Variants in PLOD2 observed in about 807,000 individuals in gnomAD.
PLOD2 encodes the protein lysine hydroxylase 2.
In PLOD2, 65 loss-of-function variants were observed where a neutral mutation model predicts 101.0. The ratio of observed to expected loss-of-function variants is 0.64; its 90% CI spans 0.53 to 0.79. The LOEUF (loss-of-function observed/expected upper bound fraction) is 0.79. Among genes scored for constraint, PLOD2 ranks in the 30% least tolerant of loss-of-function variants. The probability of loss-of-function intolerance (pLI) is 0.00; values close to 1 mark genes in which losing one functional copy is unlikely to be tolerated. For missense variants in PLOD2, 909 were observed against 914.6 expected (o/e 0.99, Z 0.08); for synonymous variants, 314 against 302.9 (o/e 1.04, Z -0.38).
At chr3:146,144,939 C>T (rs1576627428) in intron 1 of PLOD2, among the ~76,000 whole-genome samples, 1 of 152,162 alleles carries the variant, frequency 6.6e-6, no homozygotes, top group East Asian at 1.9e-4. Flanking sequence ...TCTTAACTAT[C>T]TCTGTTTTCA....
intron 1 of PLOD2, among the ~76,000 whole-genome samples, chr3:146,129,036 T>C (rs1423932469): frequency 6.6e-6 from 1 of 151,878 alleles, no homozygotes; most frequent in Non-Finnish European, 1.5e-5. Flanking sequence ...TTCTTAATTT[T>C]AAACTGGCAA....
chr3:146,080,490 A>G (rs994498532), intron 12 of PLOD2, among the ~76,000 whole-genome samples: 1 of 151,772 alleles, frequency 6.6e-6, no homozygotes, highest in African/African-American at 2.4e-5. Context: ...TCTCTGGGGA[A>G]TTATTCAGTG....
chr3:146,124,027 T>C (rs2030379667), intron 2 of PLOD2, 111 bp downstream of exon 2: 5 of 703,702 alleles, frequency 7.1e-6, no homozygotes, highest in African/African-American at 3.5e-5. Flanking sequence ...ACAGTAATTA[T>C]GTAACCAAAT....
chr3:146,148,190 G>A (rs575258622), intron 1 of PLOD2, among the ~76,000 whole-genome samples: 2 of 152,090 alleles, frequency 1.3e-5, no homozygotes, highest in South Asian at 4.2e-4. Flanking sequence ...AAGAGGCAAA[G>A]GTGAATTTGG....
At chr3:146,095,526 T>A (rs1290466445) in intron 7 of PLOD2, among the ~76,000 whole-genome samples, 1 of 152,084 alleles carries the variant, frequency 6.6e-6, no homozygotes, top group Non-Finnish European at 1.5e-5. Context: ...CTCATGCCAG[T>A]TAGAATGGCA....
intron 1 of PLOD2, among the ~76,000 whole-genome samples, chr3:146,146,085 T>C (rs1428284650): frequency 6.6e-6 from 1 of 152,148 alleles, no homozygotes; most frequent in Non-Finnish European, 1.5e-5. Context: ...TTATTAGAAA[T>C]TGGTCTTCTT....
rs150976560 is a variant in PLOD2, at chr3:146,126,188, C to T, written c.110-1959G>A. On this transcript the variant is annotated intron_variant, in intron 1 of 19. Transcript: ENST00000282903. The stretch of plus-strand genomic sequence containing the variant: ...AGCAATCCTATGCCAAATAAGAACT[C>T]CTACTGTTTCAGTACTATTGCTCTT... Among the ~76,000 whole-genome samples, 1,431 of 152,260 alleles carry T rather than the reference C, an allele frequency of 9.4e-3. 22 individuals are homozygous for T. Among genetic ancestry groups the T allele is most frequent in the African/African-American group, 0.033 (1,363 of 41,548 alleles).
chr3:146,097,107 G>A (rs1178888530), intron 7 of PLOD2, among the ~76,000 whole-genome samples: 2 of 139,972 alleles, frequency 1.4e-5, no homozygotes, highest in African/African-American at 2.7e-5. Context: ...CCGGCCAGTC[G>A]CCCTGTCCAG....
chr3:146,072,722 A>G (rs974447794), intron 16 of PLOD2, 57 bp from the exon 17 acceptor site: 2 of 1,036,616 alleles, frequency 1.9e-6, no homozygotes, highest in African/African-American at 3.2e-5. Context: ...TTAATAGTCT[A>G]AAATAGTTAT....
chr3:146,073,142 C>T, intron 16 of PLOD2, 145 bp downstream of exon 16: 1 of 519,852 alleles, frequency 1.9e-6, no homozygotes, highest in Non-Finnish European at 3.5e-6. Flanking sequence ...TTCCTTAATG[C>T]TATTTAATCA....
rs1443121239 is a variant in PLOD2 at position 146,104,302 on chromosome 3, A to G, written c.656T>C (p.Phe219Ser). Residue 219 changes from phenylalanine (F) to serine (S), a missense_variant, in exon 6 of 20, where the codon TTC (phenylalanine) becomes TCC (serine). Coordinates refer to ENST00000282903, the MANE Select transcript of PLOD2 (RefSeq NM_182943.3). ...ACCTACAGCTCCATTTAAGGTCTGG[A>G]AAATTTTGCATTTGTGATCCAATGT... is the stretch of plus-strand genomic sequence containing the variant. ...NITLDHKCKI[F>S]QTLNGAVDEV... is the part of the protein sequence containing the mutation. 6.3e-7 allele frequency: 1 copy of G among 1,594,166 alleles called. No homozygotes were observed.
intron 11 of PLOD2, among the ~76,000 whole-genome samples, chr3:146,083,725 G>A (rs905548718): frequency 6.6e-6 from 1 of 151,730 alleles, no homozygotes; most frequent in Non-Finnish European, 1.5e-5. Flanking sequence ...GGGACTACAG[G>A]TGCCCGCTAC....
At chr3:146,141,139 C>G (rs2031501911) in intron 1 of PLOD2, among the ~76,000 whole-genome samples, 2 of 151,948 alleles carry the variant, frequency 1.3e-5, no homozygotes, top group African/African-American at 4.8e-5. Flanking sequence ...TAATGGCTTT[C>G]CTACCTTTAA....
At position 146,110,312 on chromosome 3, in the gene PLOD2, T is replaced by G. The variant is rs768122346; in HGVS notation, c.475A>C (p.Ile159Leu). ...CCTGAATTCAGATAGCGTTTCCCAA[T>G]GTGCACAACAGGATACTTGTCTGCT... ...RLADKYPVVH[I>L]GKRYLNSGGF... The change falls in exon 4 of 20, where the codon ATT (isoleucine) becomes CTT (leucine). Residue 159 changes from isoleucine to leucine, a missense_variant. By Grantham distance (5) the Ile-to-Leu change is conservative. Transcript: ENST00000282903. The G allele has an allele frequency of 1.2e-6, 2 of 1,613,784 alleles. No homozygotes were observed. The highest frequency in any genetic ancestry group is 1.3e-5 in the African/African-American group (1 of 74,926).
At chr3:146,159,860 T>TA (rs770593235) in intron 1 of PLOD2, among the ~76,000 whole-genome samples, 33 of 152,182 alleles carry the variant, frequency 2.2e-4, no homozygotes, top group Non-Finnish European at 4.4e-4. Context: ...CTGAAACACT[T>TA]AAAGATGAAG....
intron 16 of PLOD2, 38 bp from the exon 17 acceptor site, chr3:146,072,703 TTC>T: frequency 1.6e-6 from 2 of 1,227,928 alleles, no homozygotes; most frequent in Non-Finnish European, 1.2e-6. Flanking sequence ...ACATAATAAC[TTC>T]TGTGTCTTAA....
At chr3:146,160,804 G>T (rs34803917) in intron 1 of PLOD2, 77 bp downstream of exon 1, 6 of 924,502 alleles carry the variant, frequency 6.5e-6, no homozygotes, top group East Asian at 2.6e-5. Context: ...CAGCCCCGCG[G>T]AAGGGCTGGT....
chr3:146,107,427 T>C (rs1174189659), intron 4 of PLOD2, among the ~76,000 whole-genome samples: 1 of 152,188 alleles, frequency 6.6e-6, no homozygotes, highest in Non-Finnish European at 1.5e-5. Flanking sequence ...TGACATTCAA[T>C]ACTTTTAAAA....
chr3:146,072,720 C>T (rs1576569632), intron 16 of PLOD2, 55 bp from the exon 17 acceptor site: 1 of 1,042,444 alleles, frequency 9.6e-7, no homozygotes, highest in Non-Finnish European at 1.5e-6. Context: ...TCTTAATAGT[C>T]TAAAATAGTT....
Sources: allele counts gnomAD v4.1 joint callset (sites outside exome capture counted in the v4.1 genomes callset), GRCh38; gene constraint gnomAD v4.1.1; transcripts MANE v1.5; gene names NCBI Gene and HGNC (gene_info 2026-07-23, HGNC 2026-07-21).